The following MAML3 variants were observed in gnomAD, a reference collection of about 807,000 sequenced individuals.
MAML3 encodes mastermind like transcriptional coactivator 3.
In MAML3, 27 loss-of-function variants were observed where a neutral mutation model predicts 101.9. That is an observed-to-expected ratio of 0.27 (90% CI 0.20 to 0.37). The LOEUF (loss-of-function observed/expected upper bound fraction) is 0.37. MAML3 is among the 10% of genes least tolerant of loss of function. The pLI is 1.00. For synonymous variants in MAML3, 501 were observed against 555.9 expected (o/e 0.90, Z 1.39); for missense variants, 1,316 against 1,444.9 (o/e 0.91, Z 1.45).
chr4:140,124,493 T>C (rs1728655916), intron 1 of MAML3, among the ~76,000 whole-genome samples: 1 of 152,102 alleles, frequency 6.6e-6, no homozygotes, highest in African/African-American at 2.4e-5. Context: ...TTCTCGTAAT[T>C]TGGGAAAATA....
chr4:140,152,652 C>T (rs980959227), intron 1 of MAML3, among the ~76,000 whole-genome samples: 1 of 152,152 alleles, frequency 6.6e-6, no homozygotes, highest in Non-Finnish European at 1.5e-5. Flanking sequence ...CCCCTCCTCC[C>T]CAAATCTGAC....
chr4:139,960,741 C>T (rs974266918), intron 1 of MAML3, among the ~76,000 whole-genome samples: 6 of 152,116 alleles, frequency 3.9e-5, no homozygotes, highest in African/African-American at 1.4e-4. Flanking sequence ...ATCTGAAAAT[C>T]GGCAGAAAGA....
chr4:139,718,514 A>G lies in MAML3; in HGVS notation c.*809T>C, dbSNP rs1340987438. The G allele has an allele frequency of 2.0e-5, 3 of 152,300 alleles. No homozygotes were observed. The highest frequency in any genetic ancestry group is 7.2e-5 in the African/African-American group (3 of 41,434). The allele number at this position is 152,300 out of a possible 1,614,324, so 9.4% of individuals were successfully genotyped here. A position where few individuals can be genotyped will look rare whatever the true frequency, so the allele number is the denominator to read the frequency against. On this transcript the variant is annotated 3_prime_UTR_variant, in exon 5 of 5. Coordinates refer to ENST00000509479, the MANE Select transcript of MAML3 (RefSeq NM_018717.5). ...CGGCCGCCAGAAGTAGATGTGACCC[A>G]CCTGGATGTATGGGTTTTGTATTGG...
chr4:140,109,654 G>A (rs915135105), intron 1 of MAML3, among the ~76,000 whole-genome samples: 1 of 152,150 alleles, frequency 6.6e-6, no homozygotes, highest in African/African-American at 2.4e-5. Flanking sequence ...GCTTATAACA[G>A]AAAGCTTTCC....
At chr4:139,859,371 A>ATTTT (rs11343508) in intron 2 of MAML3, among the ~76,000 whole-genome samples, 1 of 140,628 alleles carries the variant, frequency 7.1e-6, no homozygotes, top group South Asian at 2.3e-4. Context: ...TGCCTGGCTA[A>ATTTT]TTTTTTTTTT....
intron 2 of MAML3, among the ~76,000 whole-genome samples, chr4:139,882,861 A>G (rs1732247001): frequency 1.3e-5 from 2 of 152,188 alleles, no homozygotes; most frequent in South Asian, 4.1e-4. Context: ...AAACACAAAC[A>G]AATAAACAAA....
intron 2 of MAML3, among the ~76,000 whole-genome samples, chr4:139,792,955 C>G (rs1018608014): frequency 6.6e-6 from 1 of 151,992 alleles, no homozygotes; most frequent in African/African-American, 2.4e-5. Context: ...ACCATGTTAG[C>G]CAGGATGGTC....
intron 1 of MAML3, among the ~76,000 whole-genome samples, chr4:139,954,837 G>A (rs1481796166): frequency 6.6e-6 from 1 of 151,892 alleles, no homozygotes; most frequent in East Asian, 1.9e-4. Context: ...TGATCATAAC[G>A]TAGTTTATGC....
rs1729135555 is a variant in MAML3 at position 139,740,666 on chromosome 4, T to C, written c.2080-9999A>G. 3.3e-5 allele frequency: 5 copies of C among 152,314 alleles called. No homozygotes were observed. In the South Asian group the frequency reaches 1.0e-3, roughly 32 times the overall value. The allele number at this position is 152,314 out of a possible 1,614,324, so 9.4% of individuals were successfully genotyped here. A position where few individuals can be genotyped will look rare whatever the true frequency, so the allele number is the denominator to read the frequency against. ...TGCATAGGCCTATCTTGTGTTATAC[T>C]GGGAGACAGGCCAATGTTTCCATTA... On this transcript the variant is annotated intron_variant, in intron 2 of 4. Coordinates refer to ENST00000509479, the MANE Select transcript of MAML3 (RefSeq NM_018717.5).
chr4:140,042,805 TAGAGG>T (rs1484360647), intron 1 of MAML3, among the ~76,000 whole-genome samples: 1 of 152,064 alleles, frequency 6.6e-6, no homozygotes, highest in Non-Finnish European at 1.5e-5. Context: ...TGCTTACTGT[TAGAGG>T]AGAGGTGTCC....
At chr4:139,927,072 C>CT (rs61573991) in intron 1 of MAML3, among the ~76,000 whole-genome samples, 80,998 of 134,600 alleles carry the variant, frequency 0.6, 24,554 homozygotes, top group African/African-American at 0.64. Flanking sequence ...TTTCTTTTTT[C>CT]TTTTTTTTTT....
rs1438878058 is a variant in MAML3, at chr4:140,150,990, A to C, written c.468+1870T>G. Among the ~76,000 whole-genome samples the C allele has an allele frequency of 4.4e-5, 6 of 137,594 alleles. No homozygotes were observed. In the South Asian group the frequency reaches 1.1e-3, roughly 26 times the overall value. The allele number at this position is 137,594 out of a possible 152,430, so 90.3% of individuals were successfully genotyped here. ...GCAGGCTCAGCCGCAGGGGGAGCGG[A>C]GAGGAGGGACGCGGGGGCATGGGGG... On this transcript the variant is annotated intron_variant, in intron 1 of 4. Transcript: ENST00000509479.
chr4:140,048,857 G>A (rs1452359766), intron 1 of MAML3, among the ~76,000 whole-genome samples: 1 of 152,118 alleles, frequency 6.6e-6, no homozygotes, highest in African/African-American at 2.4e-5. Flanking sequence ...GGAATACTTT[G>A]CTAATTTTTA....
chr4:140,011,929 C>A (rs1726570746), intron 1 of MAML3, among the ~76,000 whole-genome samples: 1 of 151,924 alleles, frequency 6.6e-6, no homozygotes, highest in African/African-American at 2.4e-5. Context: ...ATGGAAATTT[C>A]TTCCTGCCTA....
chr4:140,139,144 G>T (rs1184809592), intron 1 of MAML3, among the ~76,000 whole-genome samples: 1 of 151,992 alleles, frequency 6.6e-6, no homozygotes, highest in East Asian at 1.9e-4. Flanking sequence ...ATGGTGGCAG[G>T]CACCTGTAGT....
chr4:139,869,505 T>C (rs1366423320), intron 2 of MAML3, among the ~76,000 whole-genome samples: 1 of 152,200 alleles, frequency 6.6e-6, no homozygotes, highest in Non-Finnish European at 1.5e-5. Context: ...GGATAAGAGC[T>C]AAATAAAAAT....
At chr4:139,974,588 C>G (rs1203161153) in intron 1 of MAML3, among the ~76,000 whole-genome samples, 2 of 152,084 alleles carry the variant, frequency 1.3e-5, no homozygotes, top group African/African-American at 4.8e-5. Flanking sequence ...CATTGCTGGG[C>G]TTCTATTTCC....
At chr4:140,122,562 G>T (rs1164083045) in intron 1 of MAML3, among the ~76,000 whole-genome samples, 1 of 151,914 alleles carries the variant, frequency 6.6e-6, no homozygotes, top group Non-Finnish European at 1.5e-5. Context: ...GGAGGCCGAG[G>T]CGGGCGGATC....
intron 1 of MAML3, among the ~76,000 whole-genome samples, chr4:140,040,064 G>A (rs772118735): frequency 2.1e-4 from 32 of 152,274 alleles, no homozygotes; most frequent in Non-Finnish European, 4.3e-4. Flanking sequence ...GGTTAGGGTC[G>A]AAAAGGCCCA....
Sources: allele counts gnomAD v4.1 joint callset (sites outside exome capture counted in the v4.1 genomes callset), GRCh38; gene constraint gnomAD v4.1.1; transcripts MANE v1.5; gene names NCBI Gene and HGNC (gene_info 2026-07-23, HGNC 2026-07-21).